The following TIAM1 variants were observed in gnomAD, a reference collection of about 807,000 sequenced individuals.
The protein encoded by TIAM1 is TIAM Rac1 associated GEF 1.
A neutral mutation model predicts 163.5 loss-of-function variants in TIAM1; 65 were observed. That is an observed-to-expected ratio of 0.40 (90% CI 0.33 to 0.49). TIAM1 has a LOEUF of 0.49. Among genes scored for constraint, TIAM1 ranks in the 20% least tolerant of loss-of-function variants. The pLI, the probability that TIAM1 is intolerant of heterozygous loss-of-function variation, is 0.77. For synonymous variants in TIAM1, 833 were observed against 810.1 expected (o/e 1.03, Z -0.48); for missense variants, 1,789 against 2,044.7 (o/e 0.87, Z 2.41).
At chr21:31,460,226 A>G (rs149209638) in intron 2 of TIAM1, among the ~76,000 whole-genome samples, 1 of 152,324 alleles carries the variant, frequency 6.6e-6, no homozygotes, top group East Asian at 1.9e-4. Flanking sequence ...GTGGTCAAGC[A>G]TCAGAGGATG....
At chr21:31,127,177 ATCAGGGTATGTT>A in intron 25 of TIAM1, 25 bp from the exon 26 acceptor site, 1 of 1,604,214 alleles carries the variant, frequency 6.2e-7, no homozygotes, top group Non-Finnish European at 8.5e-7. Context: ...ACAACAATGA[ATCAGGGTATGTT>A]TCAAGTGGAT....
intron 2 of TIAM1, chr21:31,463,967 A>C (rs1210057202): frequency 6.6e-6 from 1 of 152,200 alleles, no homozygotes; most frequent in African/African-American, 2.4e-5. Flanking sequence ...CGTATATGAA[A>C]GTGTAAACTG....
chr21:31,177,116 G>A (rs1463655310), intron 15 of TIAM1, among the ~76,000 whole-genome samples: 1 of 152,174 alleles, frequency 6.6e-6, no homozygotes, highest in Non-Finnish European at 1.5e-5. Flanking sequence ...TAAGAGAATG[G>A]CTTCAGGTAC....
intron 11 of TIAM1, 45 bp downstream of exon 11, chr21:31,210,000 C>T: frequency 6.3e-7 from 1 of 1,582,692 alleles, no homozygotes; most frequent in Non-Finnish European, 8.6e-7. Context: ...ATTGCTACAC[C>T]CCATTCTGCT....
intron 1 of TIAM1, among the ~76,000 whole-genome samples, chr21:31,536,906 G>A (rs2048154059): frequency 6.6e-6 from 1 of 152,232 alleles, no homozygotes; most frequent in Non-Finnish European, 1.5e-5. Context: ...AGCTTCCTAG[G>A]CCTGCCATGA....
chr21:31,408,135 G>C (rs1009501430), intron 2 of TIAM1, among the ~76,000 whole-genome samples: 1 of 152,106 alleles, frequency 6.6e-6, no homozygotes, highest in African/African-American at 2.4e-5. Context: ...AAAAACCTAG[G>C]ATTTACTTCT....
In TIAM1 at chr21:31,395,601, T is replaced by C. The variant is rs185257884; in HGVS notation, c.-368-56179A>G. 9.7e-4 allele frequency among the ~76,000 whole-genome samples: 148 copies of C among 152,344 alleles called. 1 individual carries two copies. The Middle Eastern group carries it at 0.01, about 11-fold the overall frequency. On this transcript the variant is annotated intron_variant, in intron 2 of 28. Coordinates refer to the TIAM1 transcript ENST00000286827. This position sits in a 1 kb window ranked among gnomAD's most constrained non-coding sequence, Gnocchi z 7.5. The stretch of plus-strand genomic sequence containing the variant: ...CTCCAACTGAGAAAGCAGATTGCGT[T>C]ACATTTCTCCACATAAATGAACTTA...
intron 1 of TIAM1, among the ~76,000 whole-genome samples, chr21:31,473,424 CATCTCAA>C (rs2045819606): frequency 1.1e-5 from 1 of 93,234 alleles, no homozygotes; most frequent in Non-Finnish European, 2.1e-5. Context: ...ATCAAGACTC[CATCTCAA>C]AAAAAAAAAA....
At chr21:31,312,894 A>AG (rs1460954789) in intron 2 of TIAM1, among the ~76,000 whole-genome samples, 1 of 152,236 alleles carries the variant, frequency 6.6e-6, no homozygotes, top group Non-Finnish European at 1.5e-5. Context: ...AAGGCGAATG[A>AG]AAGAGGTTAG....
intron 2 of TIAM1, among the ~76,000 whole-genome samples, chr21:31,331,723 CT>C (rs1298828910): frequency 2.6e-5 from 4 of 152,208 alleles, no homozygotes; most frequent in Admixed American, 6.5e-5. Flanking sequence ...CTCACACCCA[CT>C]GCCATTTGTG....
At chr21:31,122,147 C>A (rs535497653) in intron 27 of TIAM1, among the ~76,000 whole-genome samples, 4 of 152,158 alleles carry the variant, frequency 2.6e-5, no homozygotes, top group African/African-American at 4.8e-5. Flanking sequence ...CAGACCCCTG[C>A]GTGTCCATCA....
At chr21:31,140,833 G>A (rs1217124411) in intron 22 of TIAM1, among the ~76,000 whole-genome samples, 1 of 152,174 alleles carries the variant, frequency 6.6e-6, no homozygotes, top group East Asian at 1.9e-4. Flanking sequence ...CCAGATTGTG[G>A]TAATGGAAGT....
intron 2 of TIAM1, among the ~76,000 whole-genome samples, chr21:31,455,299 A>AAGACCCT (rs2045050636): frequency 6.7e-6 from 1 of 148,460 alleles, no homozygotes; most frequent in Non-Finnish European, 1.5e-5. Context: ...AAAAAAAAAA[A>AAGACCCT]AGACCCTAGA....
intron 1 of TIAM1, among the ~76,000 whole-genome samples, chr21:31,523,917 C>CAAA (rs376067896): frequency 3.3e-5 from 3 of 92,244 alleles, no homozygotes; most frequent in Admixed American, 1.2e-4. Context: ...GATTCCATCT[C>CAAA]AAAAAAAAAA....
At chr21:31,492,125 G>T (rs73343496) in intron 1 of TIAM1, among the ~76,000 whole-genome samples, 6,011 of 152,258 alleles carry the variant, frequency 0.039, 268 homozygotes, top group African/African-American at 0.11. Flanking sequence ...CACACAGAGA[G>T]AGAGAAAGAG....
chr21:31,532,555 C>G (rs2048004511), intron 1 of TIAM1, among the ~76,000 whole-genome samples: 1 of 152,174 alleles, frequency 6.6e-6, no homozygotes, highest in Admixed American at 6.5e-5. Context: ...TCTACCTAAT[C>G]TTTTAAATGT....
intron 13 of TIAM1, among the ~76,000 whole-genome samples, chr21:31,187,423 A>C (rs2085355172): frequency 6.6e-6 from 1 of 152,204 alleles, no homozygotes; most frequent in South Asian, 2.1e-4. Flanking sequence ...CAGAAAGATT[A>C]GCTTACCTCA....
At chr21:31,496,473 A>G (rs1367034785) in intron 1 of TIAM1, among the ~76,000 whole-genome samples, 1 of 151,786 alleles carries the variant, frequency 6.6e-6, no homozygotes, top group Non-Finnish European at 1.5e-5. Flanking sequence ...AAAAAAAAAA[A>G]AAAAAAAAAA....
At chr21:31,550,328 G>C (rs1037546384) in intron 1 of TIAM1, among the ~76,000 whole-genome samples, 1 of 152,114 alleles carries the variant, frequency 6.6e-6, no homozygotes, top group African/African-American at 2.4e-5. Flanking sequence ...ACTGATACAC[G>C]TCACACTACA....
Sources: gnomAD v4.1 joint callset for allele counts (sites outside exome capture counted in the v4.1 genomes callset) on GRCh38, gnomAD v4.1.1 for gene constraint, Gnocchi (gnomAD v3.1) non-coding constraint, MANE v1.5 for transcripts, NCBI Gene and HGNC (gene_info 2026-07-23, HGNC 2026-07-21) for gene names.